Variants in CASP8 observed in about 807,000 individuals in gnomAD.
CASP8 encodes caspase 8.
Under a neutral mutation model 46.3 loss-of-function variants are expected in CASP8, and 24 were observed. That is an observed-to-expected ratio of 0.52 (90% CI 0.38 to 0.73). CASP8 has a LOEUF of 0.73. Among genes scored for constraint, CASP8 ranks in the 30% least tolerant of loss-of-function variants. The probability of loss-of-function intolerance (pLI) is 0.00; values close to 1 mark genes in which losing one functional copy is unlikely to be tolerated. For missense variants in CASP8, 460 were observed against 559.0 expected, an observed-to-expected ratio of 0.82 and a Z score of 1.79; for synonymous variants, 188 against 200.4, an observed-to-expected ratio of 0.94 and a Z score of 0.52.
At chr2:201,258,215 C>G (rs770582172), upstream of CASP8, 4 of 1,606,630 alleles carry the variant, frequency 2.5e-6, no homozygotes, top group South Asian at 4.4e-5. Flanking sequence ...CTAGTCAACT[C>G]AACAGGAAGT....
Position 201,279,752 on chromosome 2 carries a change from A to G in CASP8, c.802+2784A>G, listed in dbSNP as rs187192233. ...CGAATCGCCTGAGGTCAGGAGTTCAAGCCCAGCCTGACCAACATGGTGAAA... is the reference window on the plus strand; with the variant it reads ...CGAATCGCCTGAGGTCAGGAGTTCAGGCCCAGCCTGACCAACATGGTGAAA... On this transcript the variant is annotated intron_variant, in intron 7 of 8. Coordinates refer to ENST00000673742, the MANE Select transcript of CASP8 (RefSeq NM_001372051.1). 4.7e-4 allele frequency among the ~76,000 whole-genome samples: 72 copies of G among 152,324 alleles called. No individual in the cohort carries two copies. In the East Asian group the frequency reaches 8.5e-3, roughly 18 times the overall value.
At chr2:201,254,962 A>G (rs530721819) in intron 2 of CASP8, among the ~76,000 whole-genome samples, 1 of 152,388 alleles carries the variant, frequency 6.6e-6, no homozygotes, top group South Asian at 2.1e-4. Flanking sequence ...TGATATAAAC[A>G]GTCACACAGG....
Position 201,285,073 on chromosome 2 carries a change from G to C in CASP8, c.1060G>C (p.Val354Leu), listed in dbSNP as rs2125484297. 1 of 1,614,126 alleles carries C rather than the reference G, an allele frequency of 6.2e-7. No individual in the cohort carries two copies. Among genetic ancestry groups the C allele is most frequent in the Non-Finnish European group, 8.5e-7 (1 of 1,180,028 alleles). ...CCCTTCCCTTGCTGGAAAACCCAAA[G>C]TGTTTTTTATTCAGGCTTGTCAGGG... ...KCPSLAGKPK[V>L]FFIQACQGDN... is the part of the protein sequence containing the mutation. Residue 354 changes from valine (V) to leucine (L), a missense_variant, in exon 8 of 9, where the codon GTG (valine) becomes CTG (leucine). Transcript: ENST00000673742.
intron 2 of CASP8, chr2:201,240,745 A>G (rs1379841357): frequency 6.6e-6 from 1 of 152,210 alleles, no homozygotes. Flanking sequence ...TCAAATGCAC[A>G]TGGAACTTTC....
At chr2:201,276,309 C>T (rs1242255007) in intron 6 of CASP8, among the ~76,000 whole-genome samples, 1 of 152,172 alleles carries the variant, frequency 6.6e-6, no homozygotes, top group Non-Finnish European at 1.5e-5. Context: ...AAGCCATCAC[C>T]TTTAAAATCC....
At chr2:201,235,678 T>C (rs1462429267) in intron 2 of CASP8, among the ~76,000 whole-genome samples, 1 of 152,196 alleles carries the variant, frequency 6.6e-6, no homozygotes, top group African/African-American at 2.4e-5. Context: ...AAATGGCATA[T>C]AAAGTATATA....
intron 2 of CASP8, among the ~76,000 whole-genome samples, chr2:201,255,355 G>A (rs35546975): frequency 7.5e-4 from 114 of 152,330 alleles, no homozygotes; most frequent in African/African-American, 2.6e-3. Context: ...TGGGATTACA[G>A]GGGTAAGCCA....
At chr2:201,238,314 G>A (rs527828825) in intron 2 of CASP8, among the ~76,000 whole-genome samples, 22 of 152,116 alleles carry the variant, frequency 1.4e-4, no homozygotes, top group Non-Finnish European at 3.1e-4. Flanking sequence ...GGAATATATG[G>A]GATATCATTT....
chr2:201,269,508 A>G lies in CASP8; in HGVS notation c.306-2008A>G. On this transcript the variant is annotated intron_variant, in intron 2 of 8. Transcript: ENST00000673742. ...TGTGCCCACCATCTTGGTCCTTTGA[A>G]GGTTCCACTTCTGCCGCATGAGCTG... 1.9e-6 allele frequency: 3 copies of G among 1,611,330 alleles called. No homozygotes were observed. The South Asian group carries it at 3.3e-5, about 18-fold the overall frequency.
rs1947845951 is a variant in CASP8 at position 201,266,657 on chromosome 2, C to T, written c.171C>T (p.Ser57=). The part of the protein sequence containing the change: ...RLQEKRMLEE[S]NLSFLKELLF... ...AGGAAAAGAGAATGTTGGAGGAAAGCAATCTGTCCTTCCTGAAGGAGCTGC... is the reference window on the plus strand; with the variant it reads ...AGGAAAAGAGAATGTTGGAGGAAAGTAATCTGTCCTTCCTGAAGGAGCTGC... The change falls in exon 2 of 9, where the codon AGC becomes AGT. Residue 57 remains serine, a synonymous_variant. Coordinates refer to ENST00000673742, the MANE Select transcript of CASP8 (RefSeq NM_001372051.1). The surrounding 1 kb of genome is among the most constrained non-coding windows in gnomAD (Gnocchi z 5.7). 1 of 1,613,890 alleles carries T rather than the reference C, an allele frequency of 6.2e-7. No individual in the cohort carries two copies. The highest frequency in any genetic ancestry group is 8.5e-7 in the Non-Finnish European group (1 of 1,179,918).
chr2:201,286,875 TCC>T lies in CASP8; in HGVS notation c.*283_*284del, dbSNP rs1949589672. ...ACCTCGTGATCCACCCACCTCGGCC[TCC>T]CAAAGTGCTGGGATTACAGGCGTGA... On this transcript the variant is annotated 3_prime_UTR_variant, in exon 9 of 9. Coordinates refer to ENST00000673742, the MANE Select transcript of CASP8 (RefSeq NM_001372051.1). The T allele has an allele frequency of 1.3e-5, 5 of 384,132 alleles. 1 individual carries two copies. Among genetic ancestry groups the T allele is most frequent in the Non-Finnish European group, 2.5e-5 (5 of 200,460 alleles). The allele number at this position is 384,132 out of a possible 1,614,324, so 23.8% of individuals were successfully genotyped here.
chr2:201,271,597 C>T lies in CASP8; in HGVS notation c.387C>T (p.Ser129=), dbSNP rs368684291. Reference sequence around the variant, plus strand: ...AGTTTCTTTTGCAAGAGGAAATCTCCAAATGCAAACTGGATGATGACATGG... The same window carrying T: ...AGTTTCTTTTGCAAGAGGAAATCTCTAAATGCAAACTGGATGATGACATGG... The part of the protein sequence containing the change: ...SFKFLLQEEI[S]KCKLDDDMNL... The change falls in exon 3 of 9, where the codon TCC becomes TCT. Residue 129 remains serine, a synonymous_variant. Coordinates refer to ENST00000673742, the MANE Select transcript of CASP8 (RefSeq NM_001372051.1). The T allele has an allele frequency of 6.3e-6, 10 of 1,596,670 alleles. No individual in the cohort carries two copies. The African/African-American group carries it at 1.3e-4, about 21-fold the overall frequency.
At chr2:201,278,528 A>G (rs548600267) in intron 7 of CASP8, among the ~76,000 whole-genome samples, 33 of 150,776 alleles carry the variant, frequency 2.2e-4, no homozygotes, top group Admixed American at 1.2e-3. Flanking sequence ...CTAATGCTAG[A>G]CTGTATTTTT....
chr2:201,259,980 T>G (rs569384206), upstream of CASP8, among the ~76,000 whole-genome samples: 161 of 139,086 alleles, frequency 1.2e-3, no homozygotes, highest in Admixed American at 1.9e-3. Context: ...TTTTAGAGTT[T>G]TTTTTTTTTT....
intron 2 of CASP8, among the ~76,000 whole-genome samples, chr2:201,270,011 G>T (rs1161659456): frequency 6.6e-6 from 1 of 152,130 alleles, no homozygotes; most frequent in Non-Finnish European, 1.5e-5. Flanking sequence ...AAGGCAGATG[G>T]TAATACTGAG....
At chr2:201,251,009 T>C (rs987831188) in intron 2 of CASP8, among the ~76,000 whole-genome samples, 2 of 152,238 alleles carry the variant, frequency 1.3e-5, no homozygotes, top group East Asian at 3.8e-4. Flanking sequence ...TCATACAGTA[T>C]GTAGCCTCTC....
Position 201,272,599 on chromosome 2 carries a change from C to T in CASP8, c.412-39C>T. 1 of 1,611,796 alleles carries T rather than the reference C, an allele frequency of 6.2e-7. No homozygotes were observed. The highest frequency in any genetic ancestry group is 8.5e-7 in the Non-Finnish European group (1 of 1,178,240). On this transcript the variant is annotated intron_variant, in intron 3 of 8. Transcript: ENST00000673742. This position sits in a 1 kb window ranked among gnomAD's most constrained non-coding sequence, Gnocchi z 4.4. ...AAATCTAATCTAAAAACCAGTAGGG[C>T]TCAATCCAGATTCCCAACTTTATTT...
At chr2:201,262,767 A>G (rs932956714) in intron 1 of CASP8, among the ~76,000 whole-genome samples, 1 of 152,238 alleles carries the variant, frequency 6.6e-6, no homozygotes, top group Non-Finnish European at 1.5e-5. Context: ...TCTAGGTCCC[A>G]TAAAACAAGA....
chr2:201,283,172 G>A (rs1949241878), intron 7 of CASP8, among the ~76,000 whole-genome samples: 2 of 71,778 alleles, frequency 2.8e-5, no homozygotes, highest in African/African-American at 9.3e-5. Flanking sequence ...GGGCGGCCGG[G>A]CAGAGGCGCC....
Sources: allele counts gnomAD v4.1 joint callset (sites outside exome capture counted in the v4.1 genomes callset), GRCh38; gene constraint gnomAD v4.1.1; non-coding constraint Gnocchi (gnomAD v3.1); transcripts MANE v1.5; gene names NCBI Gene and HGNC (gene_info 2026-07-23, HGNC 2026-07-21).